Variants in PTPRA observed in about 807,000 individuals in gnomAD.
PTPRA encodes receptor-type tyrosine-protein phosphatase alpha.
A neutral mutation model predicts 104.8 loss-of-function variants in PTPRA; 25 were observed. The ratio of observed to expected loss-of-function variants is 0.24; its 90% CI spans 0.17 to 0.33. PTPRA has a LOEUF of 0.33. PTPRA is among the 10% of genes least tolerant of loss of function. PTPRA has a pLI of 1.00. For missense variants in PTPRA, 765 were observed against 1,015.3 expected (o/e 0.75, Z 3.35); for synonymous variants, 323 against 368.9 (o/e 0.88, Z 1.43).
chr20:2,891,447 G>T (rs2058786727), intron 1 of PTPRA, among the ~76,000 whole-genome samples: 1 of 152,064 alleles, frequency 6.6e-6, no homozygotes, highest in African/African-American at 2.4e-5. Flanking sequence ...GCTCTTTCTT[G>T]CTCTCTGTCT....
At chr20:2,933,800 T>C (rs2060593398) in intron 2 of PTPRA, among the ~76,000 whole-genome samples, 1 of 152,136 alleles carries the variant, frequency 6.6e-6, no homozygotes, top group South Asian at 2.1e-4. Context: ...CTTTCAGATT[T>C]CTTATTTTGA....
intron 3 of PTPRA, among the ~76,000 whole-genome samples, chr20:2,954,043 A>G: frequency 6.8e-6 from 1 of 147,772 alleles, no homozygotes; most frequent in Non-Finnish European, 1.5e-5. Context: ...CCATGTAGCT[A>G]CGTCTACAGG....
intron 2 of PTPRA, among the ~76,000 whole-genome samples, chr20:2,941,802 A>G (rs1430893926): frequency 6.6e-6 from 1 of 152,016 alleles, no homozygotes; most frequent in Non-Finnish European, 1.5e-5. Flanking sequence ...GCCCTCCTTA[A>G]TGCCTCCCTG....
intron 1 of PTPRA, among the ~76,000 whole-genome samples, chr20:2,911,067 A>C (rs1201977333): frequency 1.3e-5 from 2 of 151,722 alleles, no homozygotes; most frequent in Non-Finnish European, 2.9e-5. Context: ...TCTTATAAAT[A>C]ATTTTGATGT....
At chr20:3,008,321 A>G (rs1298536808) in intron 11 of PTPRA, among the ~76,000 whole-genome samples, 2 of 152,172 alleles carry the variant, frequency 1.3e-5, no homozygotes, top group South Asian at 2.1e-4. Flanking sequence ...ATGCTACAAC[A>G]TGGATGAACC....
intron 9 of PTPRA, among the ~76,000 whole-genome samples, chr20:2,998,279 C>T (rs2063485265): frequency 1.3e-5 from 2 of 151,546 alleles, no homozygotes; most frequent in South Asian, 4.2e-4. Flanking sequence ...AGAATCTGTG[C>T]GATGTGAGAT....
chr20:3,027,145 C>T lies in PTPRA; in HGVS notation c.1733C>T (p.Pro578Leu), dbSNP rs763958147. Residue 578 changes from proline (P) to leucine (L), a missense_variant, in exon 19 of 24, where the codon CCA becomes CTA. By Grantham distance (98) the Pro-to-Leu change is moderately conservative. Transcript: ENST00000399903. ...GATGAATTCAACAGAGTGATCATTC[C>T]AGTTAAGCGGGGCGAAGAGAATACA... ...IPYEFNRVII[P>L]VKRGEENTDY... The T allele has an allele frequency of 1.8e-5, 29 of 1,613,996 alleles. No individual in the cohort carries two copies. Among genetic ancestry groups the T allele is most frequent in the Non-Finnish European group, 2.4e-5 (28 of 1,179,998 alleles).
chr20:3,012,193 C>G (rs1241446078), intron 11 of PTPRA, among the ~76,000 whole-genome samples: 2 of 152,116 alleles, frequency 1.3e-5, no homozygotes, highest in Non-Finnish European at 2.9e-5. Context: ...CGTGGGGTAC[C>G]ATTGAAAAGT....
Position 3,004,251 on chromosome 20 carries a change from C to T in PTPRA, c.739-805C>T, listed in dbSNP as rs189706289. Among the ~76,000 whole-genome samples, 205 of 152,300 alleles carry T rather than the reference C, an allele frequency of 1.3e-3. 1 individual carries two copies. Among genetic ancestry groups the T allele is most frequent in the African/African-American group, 4.6e-3 (193 of 41,576 alleles). On this transcript the variant is annotated intron_variant, in intron 9 of 23. Coordinates refer to ENST00000399903, the MANE Select transcript of PTPRA (RefSeq NM_001385305.1). ...CAGGCTGGTCTCGAACTCCTGACCT[C>T]AGGTGATCCACCCGCCTCAGCCTCC...
At chr20:2,948,518 A>G (rs970420863) in intron 3 of PTPRA, among the ~76,000 whole-genome samples, 3 of 152,202 alleles carry the variant, frequency 2.0e-5, no homozygotes, top group South Asian at 2.1e-4. Flanking sequence ...TATGTTTGCC[A>G]TACCATTAGT....
intron 3 of PTPRA, among the ~76,000 whole-genome samples, chr20:2,955,184 T>G (rs2061493747): frequency 6.6e-6 from 1 of 152,264 alleles, no homozygotes; most frequent in Non-Finnish European, 1.5e-5. Context: ...AGATAATCTG[T>G]ACTATACTTT....
upstream of PTPRA, among the ~76,000 whole-genome samples, chr20:2,872,704 C>T (rs761687419): frequency 6.6e-6 from 1 of 152,230 alleles, no homozygotes; most frequent in Non-Finnish European, 1.5e-5. The surrounding 1 kb of genome is among the most constrained non-coding windows in gnomAD (Gnocchi z 7.9). Context: ...GCGGGTGTCA[C>T]GCACCAGACG....
At chr20:2,922,192 A>G (rs1047031221) in intron 1 of PTPRA, among the ~76,000 whole-genome samples, 4 of 152,190 alleles carry the variant, frequency 2.6e-5, no homozygotes, top group African/African-American at 9.7e-5. Flanking sequence ...GGAAAGACCT[A>G]TGAGCTATTC....
chr20:2,973,132 CCT>C (rs2062262789), intron 5 of PTPRA, among the ~76,000 whole-genome samples: 1 of 148,972 alleles, frequency 6.7e-6, no homozygotes, highest in Non-Finnish European at 1.5e-5. Flanking sequence ...CTTTATGTCT[CCT>C]TTTTTTTTTT....
At chr20:2,975,287 A>T (rs200550635) in intron 6 of PTPRA, 46 bp downstream of exon 6, 2 of 1,496,516 alleles carry the variant, frequency 1.3e-6, no homozygotes, top group Admixed American at 1.9e-5. Flanking sequence ...CACAGTGTAC[A>T]GTATTCATTT....
intron 7 of PTPRA, among the ~76,000 whole-genome samples, 167 bp downstream of exon 7, chr20:2,987,016 A>G (rs1407642951): frequency 6.6e-6 from 1 of 152,152 alleles, no homozygotes; most frequent in African/African-American, 2.4e-5. Flanking sequence ...AATTATTTAA[A>G]AGCTCTACAT....
intron 11 of PTPRA, among the ~76,000 whole-genome samples, chr20:3,009,883 C>T (rs2064073721): frequency 6.6e-6 from 1 of 151,878 alleles, no homozygotes; most frequent in Non-Finnish European, 1.5e-5. Flanking sequence ...CAGTCTCACC[C>T]CGACACCCAG....
chr20:2,899,846 C>T (rs2059160011), intron 1 of PTPRA, among the ~76,000 whole-genome samples: 1 of 152,134 alleles, frequency 6.6e-6, no homozygotes, highest in Non-Finnish European at 1.5e-5. Context: ...GTGGCTCTTG[C>T]CTGTAATCCC....
At chr20:2,954,149 C>G (rs1207531311) in intron 3 of PTPRA, among the ~76,000 whole-genome samples, 7 of 145,996 alleles carry the variant, frequency 4.8e-5, no homozygotes, top group African/African-American at 1.8e-4. Context: ...ATGATCTTGG[C>G]TCACTGCAAC....
Sources: gnomAD v4.1 joint callset for allele counts (sites outside exome capture counted in the v4.1 genomes callset) on GRCh38, gnomAD v4.1.1 for gene constraint, Gnocchi (gnomAD v3.1) non-coding constraint, MANE v1.5 for transcripts, NCBI Gene and HGNC (gene_info 2026-07-23, HGNC 2026-07-21) for gene names.